Variants in HECW1 observed in about 807,000 individuals in gnomAD.
HECW1 encodes HECT, C2 and WW domain containing E3 ubiquitin protein ligase 1.
In HECW1, 61 loss-of-function variants were observed where a neutral mutation model predicts 182.3. The ratio of observed to expected loss-of-function variants is 0.33; its 90% CI spans 0.27 to 0.41. The LOEUF is 0.41. HECW1 is among the 10% of genes least tolerant of loss of function. The pLI is 1.00. For synonymous variants in HECW1, 859 were observed against 832.6 expected (o/e 1.03, Z -0.55); for missense variants, 1,739 against 2,108.9 (o/e 0.82, Z 3.44).
At chr7:43,230,765 CAG>C (rs1797812357) in intron 2 of HECW1, among the ~76,000 whole-genome samples, 1 of 151,744 alleles carries the variant, frequency 6.6e-6, no homozygotes, top group Admixed American at 6.6e-5. Flanking sequence ...TACAGAGAGA[CAG>C]AAAAAGGAAA....
In HECW1 at chr7:43,308,275, TTA is replaced by T. The variant is rs1251722760; in HGVS notation, c.28-3484_28-3483del. 2.1e-4 allele frequency among the ~76,000 whole-genome samples: 25 copies of T among 119,570 alleles called. 3 individuals carry two copies. The highest frequency in any genetic ancestry group is 8.3e-4 in the African/African-American group (25 of 30,106). The allele number at this position is 119,570 out of a possible 152,430, so 78.4% of individuals were successfully genotyped here. A position where few individuals can be genotyped will look rare whatever the true frequency, so the allele number is the denominator to read the frequency against. On this transcript the variant is annotated intron_variant, in intron 3 of 29. Coordinates refer to ENST00000395891, the MANE Select transcript of HECW1 (RefSeq NM_015052.5). ...ATATATTATATGATATATTTATATA[TTA>T]TATGATATATTTATATATATTATAT... is the stretch of plus-strand genomic sequence containing the variant.
At chr7:43,488,743 C>A (rs973424017) in intron 17 of HECW1, among the ~76,000 whole-genome samples, 2 of 152,188 alleles carry the variant, frequency 1.3e-5, no homozygotes, top group Non-Finnish European at 2.9e-5. Flanking sequence ...TGGAGAAGGG[C>A]GTTTCCATCC....
intron 24 of HECW1, among the ~76,000 whole-genome samples, chr7:43,524,011 A>AG (rs1204131235): frequency 6.6e-6 from 1 of 152,096 alleles, no homozygotes; most frequent in African/African-American, 2.4e-5. Flanking sequence ...TCATCTTAAA[A>AG]AAAAAGATGA....
intron 2 of HECW1, among the ~76,000 whole-genome samples, chr7:43,178,581 C>T (rs1432721144): frequency 6.6e-6 from 1 of 152,210 alleles, no homozygotes. Context: ...TGTTGAGCTC[C>T]TCAATGCTTA....
intron 2 of HECW1, among the ~76,000 whole-genome samples, chr7:43,193,283 C>G (rs1018651089): frequency 2.6e-5 from 4 of 152,228 alleles, no homozygotes; most frequent in Non-Finnish European, 5.9e-5. Context: ...TCAGCAGGAT[C>G]TTCGTGACCT....
intron 26 of HECW1, among the ~76,000 whole-genome samples, chr7:43,543,154 A>G (rs1252537399): frequency 1.3e-5 from 2 of 152,242 alleles, no homozygotes; most frequent in African/African-American, 2.4e-5. Context: ...TTTAACAAAC[A>G]AGGTTTGGGG....
chr7:43,457,325 A>C (rs553652946), intron 13 of HECW1, among the ~76,000 whole-genome samples: 3 of 152,306 alleles, frequency 2.0e-5, no homozygotes, highest in African/African-American at 7.2e-5. Flanking sequence ...CTTTCATGTC[A>C]AGTATGAAAA....
intron 19 of HECW1, among the ~76,000 whole-genome samples, chr7:43,499,448 A>C (rs2079248054): frequency 6.6e-6 from 1 of 151,288 alleles, no homozygotes; most frequent in Non-Finnish European, 1.5e-5. Context: ...CAGCCTGGGC[A>C]ACAGAGCAAG....
intron 8 of HECW1, among the ~76,000 whole-genome samples, chr7:43,437,083 C>G (rs1482620245): frequency 6.6e-6 from 1 of 152,208 alleles, no homozygotes; most frequent in Admixed American, 6.5e-5. Context: ...GACCTGCTTT[C>G]TCCCTCCCCT....
intron 2 of HECW1, among the ~76,000 whole-genome samples, chr7:43,211,826 A>G (rs1360145472): frequency 6.6e-6 from 1 of 152,186 alleles, no homozygotes; most frequent in Admixed American, 6.5e-5. Flanking sequence ...TCTGCCTTGT[A>G]CACCTCAGTT....
At chr7:43,159,105 G>GTTTATTTATTTATTTA (rs141662347) in intron 2 of HECW1, among the ~76,000 whole-genome samples, 12 of 150,664 alleles carry the variant, frequency 8.0e-5, no homozygotes, top group African/African-American at 3.0e-4. Context: ...GAATCTGACA[G>GTTTATTTATTTATTTA]TTTATTTATT....
At chr7:43,168,552 C>G (rs1028334574) in intron 2 of HECW1, among the ~76,000 whole-genome samples, 2 of 151,928 alleles carry the variant, frequency 1.3e-5, no homozygotes, top group African/African-American at 4.8e-5. Flanking sequence ...CCCAGCTACT[C>G]AGGAGACTGA....
At position 43,344,517 on chromosome 7, in the gene HECW1, T is replaced by C. The variant is rs531534004; in HGVS notation, c.461-16369T>C. ...TTGGATGATGATGTTGTTTTTGTCT[T>C]TTTTTTTTTCTCTGATGTCTGATTG... On this transcript the variant is annotated intron_variant, in intron 5 of 29. Transcript: ENST00000395891. Among the ~76,000 whole-genome samples, 526 of 149,844 alleles carry C rather than the reference T, an allele frequency of 3.5e-3. 3 individuals carry two copies. Among genetic ancestry groups the C allele is most frequent in the African/African-American group, 0.012 (508 of 40,980 alleles).
At chr7:43,295,883 T>C (rs1443221630) in intron 3 of HECW1, among the ~76,000 whole-genome samples, 1 of 152,240 alleles carries the variant, frequency 6.6e-6, no homozygotes, top group Non-Finnish European at 1.5e-5. Context: ...ATCTATGACA[T>C]TGACGTATTG....
At chr7:43,269,484 G>A (rs1802146793) in intron 3 of HECW1, among the ~76,000 whole-genome samples, 1 of 152,176 alleles carries the variant, frequency 6.6e-6, no homozygotes. Flanking sequence ...ACACTCTATT[G>A]TCGGAACCAG....
rs528455510 is a variant in HECW1 at position 43,274,965 on chromosome 7, C to G, written c.27+31033C>G. Among the ~76,000 whole-genome samples the G allele has an allele frequency of 5.9e-5, 9 of 152,282 alleles. No individual in the cohort carries two copies. In the South Asian group the frequency reaches 1.7e-3, roughly 28 times the overall value. The stretch of plus-strand genomic sequence containing the variant: ...TGTTGAAGATGTCCTGAGACGGGCA[C>G]TCAGTGCAGAGGGAAGTGTCCAGGG... On this transcript the variant is annotated intron_variant, in intron 3 of 29. Transcript: ENST00000395891.
intron 3 of HECW1, among the ~76,000 whole-genome samples, chr7:43,272,681 A>G (rs576539889): frequency 1.2e-3 from 187 of 152,310 alleles, no homozygotes; most frequent in African/African-American, 4.2e-3. Flanking sequence ...AGATGATGGC[A>G]TGGCTGTGGA....
At chr7:43,267,099 A>T (rs1801884875) in intron 3 of HECW1, among the ~76,000 whole-genome samples, 2 of 152,318 alleles carry the variant, frequency 1.3e-5, no homozygotes, top group Admixed American at 1.3e-4. Flanking sequence ...CATAAAAAAG[A>T]TAAATAATAT....
chr7:43,113,706 G>C (rs1157851300), intron 1 of HECW1: 1 of 210,380 alleles, frequency 4.8e-6, no homozygotes, highest in Admixed American at 5.9e-5. Flanking sequence ...TTTTTGGCTG[G>C]AGGTGCGCTT....
Sources: gnomAD v4.1 joint callset for allele counts (sites outside exome capture counted in the v4.1 genomes callset) on GRCh38, gnomAD v4.1.1 for gene constraint, MANE v1.5 for transcripts, NCBI Gene and HGNC (gene_info 2026-07-23, HGNC 2026-07-21) for gene names.